The following ZNF208 variants were observed in gnomAD, a reference collection of about 807,000 sequenced individuals.
ZNF208 encodes zinc finger protein 208, also known as zinc finger protein 95.
ZNF208 carries 10 observed loss-of-function variants against 12.1 expected under a neutral mutation model. The observed-to-expected ratio is 0.83, with a 90% CI of 0.51 to 1.40. ZNF208 has a LOEUF of 1.40. ZNF208 is among the 40% of genes most tolerant of loss of function. ZNF208 has a pLI of 0.00. For synonymous variants in ZNF208, 497 were observed against 488.4 expected (o/e 1.02, Z -0.23); for missense variants, 1,652 against 1,485.0 (o/e 1.11, Z -1.85).
At chr19:22,001,159 C>T (rs1405348473) in intron 1 of ZNF208, among the ~76,000 whole-genome samples, 2 of 152,278 alleles carry the variant, frequency 1.3e-5, no homozygotes, top group Non-Finnish European at 2.9e-5. Flanking sequence ...GTGGTGCATG[C>T]CTGTAATCTC....
intron 2 of ZNF208, among the ~76,000 whole-genome samples, chr19:21,988,499 T>G (rs1302788715): frequency 1.3e-5 from 2 of 151,868 alleles, no homozygotes; most frequent in East Asian, 1.9e-4. Context: ...ATCTGGAGAG[T>G]GCTGTTGAAA....
intron 3 of ZNF208, among the ~76,000 whole-genome samples, chr19:21,985,010 G>C (rs2145563919): frequency 6.6e-6 from 1 of 152,208 alleles, no homozygotes; most frequent in East Asian, 1.9e-4. Context: ...GCAAATTTCT[G>C]TCACCAAATC....
In ZNF208 at chr19:21,974,180, T is replaced by A. The variant is rs751606137; in HGVS notation, c.854A>T (p.Asn285Ile). 2 of 1,604,196 alleles carry A rather than the reference T, an allele frequency of 1.2e-6. No individual in the cohort carries two copies. Among genetic ancestry groups the A allele is most frequent in the Non-Finnish European group, 1.7e-6 (2 of 1,172,206 alleles). ...HKIIHTGEKP[N>I]KCEECGKAFS... The stretch of plus-strand genomic sequence containing the variant: ...GGCTTTGCCACATTCTTCACATTTG[T>A]TGGGTTTCTCTCCAGTATGAATTAT... The change falls in exon 4 of 4, where the codon AAC becomes ATC. Residue 285 changes from asparagine (N) to isoleucine (I), a missense_variant. Transcript: ENST00000397126.
chr19:21,975,823 C>CAAAAAAAAAA (rs532995268), intron 3 of ZNF208, among the ~76,000 whole-genome samples: 3 of 26,430 alleles, frequency 1.1e-4, no homozygotes, highest in Non-Finnish European at 1.3e-4. Context: ...AGTCAAAGTC[C>CAAAAAAAAAA]AAAAAAAAAA....
At chr19:21,956,867 C>T (rs1324990469) in intron 4 of ZNF208, among the ~76,000 whole-genome samples, 1 of 152,168 alleles carries the variant, frequency 6.6e-6, no homozygotes, top group African/African-American at 2.4e-5. Flanking sequence ...GTGAGATGAA[C>T]CCAGTACCTC....
chr19:21,965,038 T>A (rs569470553), downstream of ZNF208, among the ~76,000 whole-genome samples: 6 of 152,070 alleles, frequency 3.9e-5, no homozygotes, highest in South Asian at 2.1e-4. Context: ...TCTGTATGTT[T>A]AAGATTATGG....
At chr19:21,953,629 C>G (rs926762236) in intron 4 of ZNF208, among the ~76,000 whole-genome samples, 36 of 152,132 alleles carry the variant, frequency 2.4e-4, no homozygotes, top group African/African-American at 8.2e-4. Flanking sequence ...TTGTCACCAC[C>G]AGGCCTGCCT....
intron 3 of ZNF208, among the ~76,000 whole-genome samples, chr19:21,984,199 G>A (rs10401697): frequency 0.58 from 88,834 of 151,948 alleles, 26,229 homozygotes; most frequent in East Asian, 0.69. Context: ...GAAATTTTAT[G>A]AATTATTTTC....
Position 21,972,080 on chromosome 19 carries a change from A to G in ZNF208, c.2954T>C (p.Phe985Ser), listed in dbSNP as rs748295301. 5.6e-6 allele frequency: 9 copies of G among 1,612,536 alleles called. No homozygotes were observed. Among genetic ancestry groups the G allele is most frequent in the Non-Finnish European group, 6.8e-6 (8 of 1,179,536 alleles). ...YEECGKGFST[F>S]SILTKHKVIH... ...TACCTTATGTTTAGTAAGGATTGAG[A>G]ATGTACTAAAGCCTTTGCCACATTC... Residue 985 changes from phenylalanine (F) to serine (S), a missense_variant, in exon 4 of 4, where the codon TTC becomes TCC. Phe to Ser is a radical substitution (Grantham distance 155). Transcript: ENST00000397126.
intron 4 of ZNF208, among the ~76,000 whole-genome samples, chr19:21,960,537 T>A (rs1859093): frequency 6.6e-6 from 1 of 151,922 alleles, no homozygotes; most frequent in Non-Finnish European, 1.5e-5. Context: ...AAAAATGTCT[T>A]AGAGGTGGGC....
chr19:21,974,782 A>G lies in ZNF208; in HGVS notation c.252T>C (p.Asp84=). The part of the protein sequence containing the change: ...SPVICSHFAQ[D]LWPEQGIEDS... ...CTTCTATGCCCTGCTCTGGCCAAAG[A>G]TCTTGAGCAAAATGAGAACATATAA... The change falls in exon 4 of 4, where the codon GAT becomes GAC. Residue 84 remains aspartate (D), a synonymous_variant. Transcript: ENST00000397126. 1 of 1,570,414 alleles carries G rather than the reference A, an allele frequency of 6.4e-7. No individual in the cohort carries two copies. Among genetic ancestry groups the G allele is most frequent in the Non-Finnish European group, 8.6e-7 (1 of 1,162,028 alleles).
At chr19:21,958,333 C>T (rs549844843) in intron 4 of ZNF208, among the ~76,000 whole-genome samples, 10 of 152,050 alleles carry the variant, frequency 6.6e-5, no homozygotes, top group Middle Eastern at 3.4e-3. Context: ...TGCAGCTCAT[C>T]AAAAAAAGAT....
intron 1 of ZNF208, among the ~76,000 whole-genome samples, chr19:22,004,799 A>G (rs938176266): frequency 1.3e-5 from 2 of 152,184 alleles, no homozygotes; most frequent in African/African-American, 4.8e-5. Flanking sequence ...CAGAAAAAGT[A>G]CCTTTTTGGT....
At chr19:21,948,788 C>CA (rs35392632) in intron 4 of ZNF208, among the ~76,000 whole-genome samples, 84,525 of 151,464 alleles carry the variant, frequency 0.56, 23,820 homozygotes, top group East Asian at 0.69. Context: ...TTACAGGCAG[C>CA]AAAAAAACTC....
At chr19:21,958,379 T>C (rs529070163) in intron 4 of ZNF208, among the ~76,000 whole-genome samples, 1 of 152,174 alleles carries the variant, frequency 6.6e-6, no homozygotes, top group African/African-American at 2.4e-5. Context: ...ATCAATATTC[T>C]AGTTCTAAGC....
downstream of ZNF208, among the ~76,000 whole-genome samples, chr19:21,964,517 T>C (rs918993181): frequency 1.3e-5 from 2 of 151,666 alleles, no homozygotes; most frequent in Admixed American, 6.6e-5. Flanking sequence ...ATTAAACAAG[T>C]AAACAAAAAA....
chr19:21,949,133 G>T (rs1182638782), intron 4 of ZNF208, among the ~76,000 whole-genome samples: 1 of 152,190 alleles, frequency 6.6e-6, no homozygotes, highest in Non-Finnish European at 1.5e-5. Flanking sequence ...GACAAAAAAG[G>T]TTTATTACTT....
intron 1 of ZNF208, among the ~76,000 whole-genome samples, chr19:21,989,949 A>C (rs1970701515): frequency 6.6e-6 from 1 of 152,060 alleles, no homozygotes; most frequent in South Asian, 2.1e-4. Context: ...TTTCTTGTAA[A>C]TTAGTTTGAG....
intron 4 of ZNF208, among the ~76,000 whole-genome samples, chr19:21,942,794 A>G (rs2522093): frequency 0.62 from 93,808 of 151,920 alleles, 29,688 homozygotes; most frequent in African/African-American, 0.74. Context: ...TATTACAGGT[A>G]CACACCACCA....
Sources: allele counts gnomAD v4.1 joint callset (sites outside exome capture counted in the v4.1 genomes callset), GRCh38; gene constraint gnomAD v4.1.1; transcripts MANE v1.5; gene names NCBI Gene and HGNC (gene_info 2026-07-23, HGNC 2026-07-21).